The following ZKSCAN1 variants were observed in gnomAD, a reference collection of about 807,000 sequenced individuals.
The protein encoded by ZKSCAN1 is zinc finger with KRAB and SCAN domains 1.
A neutral mutation model predicts 51.6 loss-of-function variants in ZKSCAN1; 14 were observed. That is an observed-to-expected ratio of 0.27 (90% CI 0.18 to 0.42). The LOEUF is 0.42. ZKSCAN1 is among the 10% of genes least tolerant of loss of function. The pLI is 1.00. For missense variants in ZKSCAN1, 531 were observed against 710.0 expected, an observed-to-expected ratio of 0.75 and a Z score of 2.86; for synonymous variants, 263 against 261.5, an observed-to-expected ratio of 1.01 and a Z score of -0.06.
chr7:100,039,465 G>A lies in ZKSCAN1; in HGVS notation c.*5268G>A, dbSNP rs1791505343. ...GGAAGCATTTTGCAATATTCCCTTT[G>A]GCTGTGTTCCTGTGTTCCCTGCTCC... On this transcript the variant is annotated 3_prime_UTR_variant, in exon 6 of 6. Transcript: ENST00000324306. 1.0e-6 allele frequency: 1 copy of A among 985,274 alleles called. No homozygotes were observed. The highest frequency in any genetic ancestry group is 1.7e-5 in the African/African-American group (1 of 57,206). The allele number at this position is 985,274 out of a possible 1,614,324, so 61.0% of individuals were successfully genotyped here.
intron 3 of ZKSCAN1, among the ~76,000 whole-genome samples, chr7:100,029,453 A>G (rs1312448963): frequency 6.6e-6 from 1 of 152,150 alleles, no homozygotes; most frequent in Non-Finnish European, 1.5e-5. Context: ...ATATCCTGGT[A>G]TCGTTCCTTG....
Position 100,030,336 on chromosome 7 carries a change from G to GT in ZKSCAN1, c.760_761insT (p.Asp254ValfsTer16). ...TCTGGCTCGGAGGAATCTCAGTAGG[G>GT]ACAACAGGCAGGAGAATTATGGGAG... On this transcript the variant is annotated frameshift_variant, in exon 5 of 6. Coordinates refer to ENST00000324306, the MANE Select transcript of ZKSCAN1 (RefSeq NM_003439.4). LOFTEE classifies it high-confidence loss of function. The GT allele has an allele frequency of 6.2e-7, 1 of 1,614,124 alleles. No individual in the cohort carries two copies. Among genetic ancestry groups the GT allele is most frequent in the Non-Finnish European group, 8.5e-7 (1 of 1,180,004 alleles).
chr7:100,034,225 C>A lies in ZKSCAN1; in HGVS notation c.*28C>A. ...GAAGAATTTGCCATCAAGCCATTTC[C>A]CCCTTTTGTTTCTAAAATTATTTCA... On this transcript the variant is annotated 3_prime_UTR_variant, in exon 6 of 6. Coordinates refer to ENST00000324306, the MANE Select transcript of ZKSCAN1 (RefSeq NM_003439.4). 1 of 1,498,138 alleles carries A rather than the reference C, an allele frequency of 6.7e-7. No homozygotes were observed. Among genetic ancestry groups the A allele is most frequent in the Non-Finnish European group, 8.8e-7 (1 of 1,131,340 alleles). The allele number at this position is 1,498,138 out of a possible 1,614,324, so 92.8% of individuals were successfully genotyped here.
Position 100,041,219 on chromosome 7 carries a change from G to A in ZKSCAN1, c.*7022G>A. On this transcript the variant is annotated 3_prime_UTR_variant, in exon 6 of 6. Transcript: ENST00000324306. The stretch of plus-strand genomic sequence containing the variant: ...TTAGACCAAAAGAAGAAACGTGCTT[G>A]TCTCTGTATACCCGCAGAATGAAGT... The A allele has an allele frequency of 1.3e-6, 1 of 786,882 alleles. No homozygotes were observed. The highest frequency in any genetic ancestry group is 1.5e-6 in the Non-Finnish European group (1 of 648,758). 48.7% of individuals were successfully genotyped at this position (786,882 alleles called of 1,614,324 possible). A position where few individuals can be genotyped will look rare whatever the true frequency, so the allele number is the denominator to read the frequency against.
chr7:100,034,458 C>G lies in ZKSCAN1; in HGVS notation c.*261C>G. The G allele has an allele frequency of 8.4e-7, 1 of 1,197,206 alleles. No homozygotes were observed. The highest frequency in any genetic ancestry group is 1.0e-6 in the Non-Finnish European group (1 of 964,504). 74.2% of individuals were successfully genotyped at this position (1,197,206 alleles called of 1,614,324 possible). ...TTTCCACACAAGAGAAAAGCACACG[C>G]ATAGTGAAATGTCAGTCTTTTCAGT... On this transcript the variant is annotated 3_prime_UTR_variant, in exon 6 of 6. Transcript: ENST00000324306.
intron 1 of ZKSCAN1, among the ~76,000 whole-genome samples, chr7:100,016,070 C>T (rs567377690): frequency 1.3e-5 from 2 of 152,304 alleles, no homozygotes; most frequent in African/African-American, 4.8e-5. Context: ...CGAACCGACC[C>T]CGGTCTTGAT....
At chr7:100,025,993 G>A (rs1188786394) in intron 3 of ZKSCAN1, among the ~76,000 whole-genome samples, 1 of 152,076 alleles carries the variant, frequency 6.6e-6, no homozygotes, top group East Asian at 1.9e-4. Context: ...GGCCAAGGCA[G>A]GCAGATCACC....
chr7:100,043,147 G>T (rs995005808), downstream of ZKSCAN1, among the ~76,000 whole-genome samples: 3 of 150,930 alleles, frequency 2.0e-5, no homozygotes, highest in Admixed American at 2.0e-4. Context: ...TCCCAAGCTG[G>T]TCTTGAACTC....
intron 5 of ZKSCAN1, among the ~76,000 whole-genome samples, chr7:100,032,453 T>C (rs1001825332): frequency 4.6e-5 from 7 of 152,190 alleles, no homozygotes; most frequent in African/African-American, 1.7e-4. Context: ...TACTCTCCAC[T>C]CTTTGCCTGC....
rs916476664 is a variant in ZKSCAN1 at position 100,037,481 on chromosome 7, G to A, written c.*3284G>A. The A allele has an allele frequency of 1.7e-4, 168 of 985,362 alleles. No homozygotes were observed. The highest frequency in any genetic ancestry group is 1.6e-4 in the Non-Finnish European group (136 of 829,956). 61.0% of individuals were successfully genotyped at this position (985,362 alleles called of 1,614,324 possible). On this transcript the variant is annotated 3_prime_UTR_variant, in exon 6 of 6. Transcript: ENST00000324306. ...GTATAGAGAGGTTGACGTGTGATACGTGGGACAGTTCACATAGACATCAGA... is the reference window on the plus strand; with the variant it reads ...GTATAGAGAGGTTGACGTGTGATACATGGGACAGTTCACATAGACATCAGA...
intron 3 of ZKSCAN1, among the ~76,000 whole-genome samples, chr7:100,027,517 G>C (rs957286702): frequency 6.6e-6 from 1 of 151,536 alleles, no homozygotes; most frequent in Non-Finnish European, 1.5e-5. Flanking sequence ...TTGGGAAGCC[G>C]AGGCAGGAGG....
At chr7:100,020,024 G>A (rs1790531073) in intron 1 of ZKSCAN1, among the ~76,000 whole-genome samples, 1 of 152,184 alleles carries the variant, frequency 6.6e-6, no homozygotes, top group African/African-American at 2.4e-5. Context: ...TATACAGTGA[G>A]ATGATAAGTG....
At position 100,040,723 on chromosome 7, in the gene ZKSCAN1, G is replaced by A; in HGVS notation, c.*6526G>A. 1 of 985,474 alleles carries A rather than the reference G, an allele frequency of 1.0e-6. No homozygotes were observed. The highest frequency in any genetic ancestry group is 1.2e-6 in the Non-Finnish European group (1 of 829,948). The allele number at this position is 985,474 out of a possible 1,614,324, so 61.0% of individuals were successfully genotyped here. On this transcript the variant is annotated 3_prime_UTR_variant, in exon 6 of 6. Transcript: ENST00000324306. ...GAGTAATTAGGAGGCCTGAGGAGGG[G>A]CCGAGGAAAGGCTGTTGGGGTGTGC...
chr7:100,041,136 T>A lies in ZKSCAN1; in HGVS notation c.*6939T>A. On this transcript the variant is annotated 3_prime_UTR_variant, in exon 6 of 6. Transcript: ENST00000324306. ...GGCATTGTCTTGTTTATTTGTAGACTGGATTAAAAACAACCTGTCCTGTTT... is the reference window on the plus strand; with the variant it reads ...GGCATTGTCTTGTTTATTTGTAGACAGGATTAAAAACAACCTGTCCTGTTT... 1.3e-6 allele frequency: 1 copy of A among 789,656 alleles called. No homozygotes were observed. Among genetic ancestry groups the A allele is most frequent in the Non-Finnish European group, 1.5e-6 (1 of 651,478 alleles). 48.9% of individuals were successfully genotyped at this position (789,656 alleles called of 1,614,324 possible).
intron 1 of ZKSCAN1, among the ~76,000 whole-genome samples, chr7:100,021,282 A>C (rs1418521126): frequency 6.6e-6 from 1 of 151,544 alleles, no homozygotes; most frequent in African/African-American, 2.4e-5. Flanking sequence ...TACCATGCCC[A>C]GCTAATTTTT....
intron 1 of ZKSCAN1, among the ~76,000 whole-genome samples, chr7:100,022,345 G>A (rs901711576): frequency 2.0e-5 from 3 of 152,224 alleles, no homozygotes; most frequent in Non-Finnish European, 2.9e-5. Flanking sequence ...GAGCCACTGC[G>A]CCCAGCCAAA....
At chr7:100,029,644 G>A (rs1283587585) in intron 3 of ZKSCAN1, among the ~76,000 whole-genome samples, 1 of 152,178 alleles carries the variant, frequency 6.6e-6, no homozygotes, top group Non-Finnish European at 1.5e-5. Flanking sequence ...GTTGGACCAG[G>A]TGATTAGGAC....
At position 100,029,857 on chromosome 7, in the gene ZKSCAN1, C is replaced by A; in HGVS notation, c.581-4C>A. The A allele has an allele frequency of 6.2e-7, 1 of 1,614,028 alleles. No homozygotes were observed. Among genetic ancestry groups the A allele is most frequent in the South Asian group, 1.1e-5 (1 of 91,078 alleles). ...TTACTCACAGACCCTTTCTCCTCCC[C>A]CAGCTCTTCCTGCTGCCCACATTCC... On this transcript the variant is annotated splice_polypyrimidine_tract_variant and splice_region_variant and intron_variant, in intron 3 of 5. Coordinates refer to ENST00000324306, the MANE Select transcript of ZKSCAN1 (RefSeq NM_003439.4).
At chr7:100,027,226 G>A (rs1584338349) in intron 3 of ZKSCAN1, among the ~76,000 whole-genome samples, 2 of 151,822 alleles carry the variant, frequency 1.3e-5, no homozygotes, top group African/African-American at 4.8e-5. Context: ...AACCCGGGAG[G>A]TGGAGGTTGC....
Sources: gnomAD v4.1 joint callset for allele counts (sites outside exome capture counted in the v4.1 genomes callset) on GRCh38, gnomAD v4.1.1 for gene constraint, MANE v1.5 for transcripts, NCBI Gene and HGNC (gene_info 2026-07-23, HGNC 2026-07-21) for gene names.